The following RP1 variants were observed in gnomAD, a reference collection of about 807,000 sequenced individuals.
The protein encoded by RP1 is oxygen-regulated protein 1.
A neutral mutation model predicts 14.8 loss-of-function variants in RP1; 16 were observed. The ratio of observed to expected loss-of-function variants is 1.08; its 90% CI spans 0.73 to 1.65. The LOEUF (loss-of-function observed/expected upper bound fraction) is 1.65, where lower values mean the gene tolerates loss of function less well. Ranked by LOEUF, RP1 falls within the 40% of genes most tolerant of loss-of-function variation. RP1 has a pLI of 0.00. For synonymous variants in RP1, 876 were observed against 883.6 expected, an observed-to-expected ratio of 0.99 and a Z score of 0.15; for missense variants, 2,631 against 2,535.0, an observed-to-expected ratio of 1.04 and a Z score of -0.81.
intron 24 of RP1, among the ~76,000 whole-genome samples, chr8:54,794,866 T>G (rs866355002): frequency 9.2e-5 from 14 of 152,132 alleles, no homozygotes; most frequent in South Asian, 2.1e-4. Flanking sequence ...ATCCCAAATA[T>G]ATCAGGAACT....
At chr8:54,803,604 A>G (rs1810767399) in intron 24 of RP1, among the ~76,000 whole-genome samples, 2 of 152,138 alleles carry the variant, frequency 1.3e-5, no homozygotes, top group Non-Finnish European at 2.9e-5. Flanking sequence ...TAAATGAGTG[A>G]GGTATATCTT....
chr8:54,801,219 GGTTTGTCT>G (rs1810697533), intron 24 of RP1, among the ~76,000 whole-genome samples: 1 of 152,096 alleles, frequency 6.6e-6, no homozygotes, highest in Non-Finnish European at 1.5e-5. Context: ...TGGCTCTTCT[GGTTTGTCT>G]GTTGCAGCTC....
chr8:54,827,854 C>T (rs1159479508), intron 24 of RP1, among the ~76,000 whole-genome samples: 1 of 152,042 alleles, frequency 6.6e-6, no homozygotes, highest in African/African-American at 2.4e-5. Flanking sequence ...GCTGAGATCA[C>T]ACCACTGCAC....
At chr8:54,588,924 A>G (rs979741289) in intron 1 of RP1, among the ~76,000 whole-genome samples, 1 of 152,190 alleles carries the variant, frequency 6.6e-6, no homozygotes, top group Non-Finnish European at 1.5e-5. Flanking sequence ...GGTTATTGTT[A>G]TCTCCATTTC....
chr8:54,857,148 T>C lies in RP1; in HGVS notation c.4069+42T>C. ...TGGTAAGAAGTTTATTTTGCAAATT[T>C]ATGAAAAATCGTATAAGAAGCAGGT... On this transcript the variant is annotated intron_variant, in intron 27 of 28. Transcript: ENST00000637698. 3.4e-6 allele frequency: 3 copies of C among 887,234 alleles called. No homozygotes were observed. The East Asian group carries it at 1.0e-4, about 30-fold the overall frequency. 55.0% of individuals were successfully genotyped at this position (887,234 alleles called of 1,614,324 possible).
At chr8:54,679,925 A>T (rs1393038835) in exon 12 of RP1, 1 of 1,535,854 alleles carries the variant, frequency 6.5e-7, no homozygotes, top group South Asian at 1.2e-5. Context: ...GAGAAGACAG[A>T]CAAATATGGT....
intron 18 of RP1, among the ~76,000 whole-genome samples, chr8:54,737,816 T>C (rs548768475): frequency 6.6e-6 from 1 of 152,278 alleles, no homozygotes; most frequent in South Asian, 2.1e-4. Context: ...GATTTGACTG[T>C]CCCAGCTCTT....
In RP1 at chr8:54,626,544, G is replaced by T. The variant is rs1650889354; in HGVS notation, c.2662G>T (p.Ala888Ser). The T allele has an allele frequency of 6.2e-7, 1 of 1,613,588 alleles. No individual in the cohort carries two copies. The highest frequency in any genetic ancestry group is 1.7e-5 in the Admixed American group (1 of 59,976). ...AAGTGCTATTTTAAGTAAACAACAT[G>T]CTACAACCAGGGCAAATTCTTTAGC... ...KASAILSKQH[A>S]TTRANSLASL... The change falls in exon 4 of 4, where the codon GCT (alanine) becomes TCT (serine). Residue 888 changes from alanine to serine, a missense_variant. Coordinates refer to ENST00000220676, the MANE Select transcript of RP1 (RefSeq NM_006269.2).
At chr8:54,657,626 A>C (rs1806784527) in intron 6 of RP1, among the ~76,000 whole-genome samples, 1 of 152,154 alleles carries the variant, frequency 6.6e-6, no homozygotes. Flanking sequence ...AGAGGTAGAC[A>C]CATAAGTTCT....
chr8:54,824,898 C>T (rs1057476654), intron 24 of RP1, among the ~76,000 whole-genome samples: 3 of 152,056 alleles, frequency 2.0e-5, no homozygotes, highest in Non-Finnish European at 2.9e-5. Context: ...AGAAAAAATG[C>T]GAATATCAAC....
intron 24 of RP1, among the ~76,000 whole-genome samples, chr8:54,791,637 T>C (rs1167567336): frequency 6.6e-6 from 1 of 152,098 alleles, no homozygotes; most frequent in Non-Finnish European, 1.5e-5. Context: ...TTAAATTATC[T>C]GCTTAAAATA....
At chr8:54,743,999 A>G (rs1463046095) in intron 19 of RP1, among the ~76,000 whole-genome samples, 1 of 152,200 alleles carries the variant, frequency 6.6e-6, no homozygotes, top group Non-Finnish European at 1.5e-5. Flanking sequence ...GGAAAGTCAC[A>G]ATGCAAATAA....
chr8:54,787,080 T>C (rs1225450623), intron 24 of RP1, among the ~76,000 whole-genome samples: 1 of 152,168 alleles, frequency 6.6e-6, no homozygotes, highest in African/African-American at 2.4e-5. Flanking sequence ...AAGAGGATTC[T>C]AGTTTTAAAA....
intron 16 of RP1, among the ~76,000 whole-genome samples, chr8:54,723,518 CT>C (rs1808581940): frequency 2.0e-5 from 3 of 152,154 alleles, no homozygotes; most frequent in African/African-American, 7.2e-5. Context: ...AGTAAAACCT[CT>C]TCACTCTCTA....
intron 6 of RP1, among the ~76,000 whole-genome samples, chr8:54,660,114 T>C (rs1403020852): frequency 6.6e-6 from 1 of 152,160 alleles, no homozygotes; most frequent in African/African-American, 2.4e-5. Context: ...TCTACATATA[T>C]AACCTGCAAA....
In RP1 at chr8:54,630,068, T is replaced by G. The variant is rs762215809; in HGVS notation, c.6186T>G (p.Phe2062Leu). 6.2e-7 allele frequency: 1 copy of G among 1,613,976 alleles called. No homozygotes were observed. Among genetic ancestry groups the G allele is most frequent in the South Asian group, 1.1e-5 (1 of 91,074 alleles). Residue 2062 changes from phenylalanine to leucine, a missense_variant, in exon 4 of 4, where the codon TTT becomes TTG. Phe to Leu is a conservative substitution (Grantham distance 22). Transcript: ENST00000220676. Reference protein sequence around the residue: ...QDLSGQTNEIFKAVDENNNLL... With the variant: ...QDLSGQTNEILKAVDENNNLL... ...TCAGCGGTCAGACAAATGAAATCTT[T>G]AAAGCAGTCGATGAGAATAACAACT... is the stretch of plus-strand genomic sequence containing the variant.
At chr8:54,784,645 G>T (rs1810273933) in intron 24 of RP1, among the ~76,000 whole-genome samples, 1 of 152,056 alleles carries the variant, frequency 6.6e-6, no homozygotes, top group Non-Finnish European at 1.5e-5. Flanking sequence ...AAAAGTATCT[G>T]ATTTACATAG....
chr8:54,680,914 A>G (rs965347863), intron 12 of RP1, among the ~76,000 whole-genome samples: 1 of 151,410 alleles, frequency 6.6e-6, no homozygotes, highest in African/African-American at 2.4e-5. Flanking sequence ...GCCGAGATAG[A>G]GCCACTGCAC....
intron 1 of RP1, among the ~76,000 whole-genome samples, chr8:54,562,174 C>T (rs532657905): frequency 9.9e-5 from 15 of 152,086 alleles, no homozygotes; most frequent in Middle Eastern, 3.4e-3. Flanking sequence ...ATAAAAACTC[C>T]GAATTTAAAA....
Sources: gnomAD v4.1 joint callset for allele counts (sites outside exome capture counted in the v4.1 genomes callset) on GRCh38, gnomAD v4.1.1 for gene constraint, MANE v1.5 for transcripts, NCBI Gene and HGNC (gene_info 2026-07-23, HGNC 2026-07-21) for gene names.